The following DCAF5 variants were observed in gnomAD, a reference collection of about 807,000 sequenced individuals.
The protein encoded by DCAF5 is DDB1- and CUL4-associated factor 5.
DCAF5 carries 9 observed loss-of-function variants against 80.7 expected under a neutral mutation model. That is an observed-to-expected ratio of 0.11 (90% CI 0.07 to 0.19). The LOEUF (loss-of-function observed/expected upper bound fraction) is 0.19, where lower values mean the gene tolerates loss of function less well. DCAF5 is among the 10% of genes least tolerant of loss of function. The pLI, the probability that DCAF5 is intolerant of heterozygous loss-of-function variation, is 1.00. For missense variants in DCAF5, 842 were observed against 1,205.7 expected (o/e 0.70, Z 4.47); for synonymous variants, 433 against 461.9 (o/e 0.94, Z 0.80).
intron 4 of DCAF5, among the ~76,000 whole-genome samples, chr14:69,117,304 T>C (rs2040572516): frequency 6.6e-6 from 1 of 152,220 alleles, no homozygotes. Flanking sequence ...TACTTCGTGC[T>C]ACCTTACCTG....
intron 7 of DCAF5, 129 bp from the exon 8 acceptor site, chr14:69,062,640 A>T (rs1340497142): frequency 1.0e-6 from 1 of 961,104 alleles, no homozygotes; most frequent in Non-Finnish European, 1.5e-6. Context: ...CAGAATGCTT[A>T]ATCTTACAGA....
At chr14:69,124,003 G>C (rs1256191689) in intron 1 of DCAF5, among the ~76,000 whole-genome samples, 1 of 152,100 alleles carries the variant, frequency 6.6e-6, no homozygotes, top group African/African-American at 2.4e-5. Flanking sequence ...CGGCCAAGTA[G>C]TCACTATTCT....
chr14:69,054,496 C>T lies in DCAF5; in HGVS notation c.2190G>A (p.Lys730=). The change falls in exon 9 of 9, where the codon AAG becomes AAA. Residue 730 remains lysine (K), a synonymous_variant. Transcript: ENST00000341516. The part of the protein sequence containing the change: ...NQDLPPEGCS[K]DTFKEETPRT... ...TAGGAGTCTCTTCTTTAAAAGTGTC[C>T]TTGCTGCAGCCTTCAGGTGGCAGGT... The T allele has an allele frequency of 6.2e-7, 1 of 1,614,138 alleles. No homozygotes were observed. Among genetic ancestry groups the T allele is most frequent in the Non-Finnish European group, 8.5e-7 (1 of 1,180,012 alleles).
Position 69,056,164 on chromosome 14 carries a change from A to C in DCAF5, c.1075-553T>G, listed in dbSNP as rs57570724. ...AACATTCCTATTTTTAACTAATGGGAATTGCTCACTGGAGCTTGATAAGAA... is the reference window on the plus strand; with the variant it reads ...AACATTCCTATTTTTAACTAATGGGCATTGCTCACTGGAGCTTGATAAGAA... On this transcript the variant is annotated intron_variant, in intron 8 of 8. Coordinates refer to ENST00000341516, the MANE Select transcript of DCAF5 (RefSeq NM_003861.3). 6.1e-3 allele frequency among the ~76,000 whole-genome samples: 935 copies of C among 152,294 alleles called. 6 individuals are homozygous for C. Among genetic ancestry groups the C allele is most frequent in the African/African-American group, 0.019 (801 of 41,542 alleles).
chr14:69,097,593 T>A lies in DCAF5; in HGVS notation c.666-5706A>T, dbSNP rs1316802606. Among the ~76,000 whole-genome samples the A allele has an allele frequency of 6.5e-4, 96 of 148,066 alleles. 1 individual carries two copies. Among genetic ancestry groups the A allele is most frequent in the Middle Eastern group, 6.9e-3 (2 of 290 alleles). On this transcript the variant is annotated intron_variant, in intron 5 of 8. Transcript: ENST00000341516. Reference sequence around the variant, plus strand: ...TTATTATTATTATTATTTTTTTTTTTTTTTTTTTTTTGAGACAGGGTCTCA... The same window carrying A: ...TTATTATTATTATTATTTTTTTTTTATTTTTTTTTTTGAGACAGGGTCTCA...
Position 69,153,107 on chromosome 14 carries a change from C to A in DCAF5, c.-129G>T. The A allele has an allele frequency of 1.4e-6, 1 of 700,522 alleles. No individual in the cohort carries two copies. The highest frequency in any genetic ancestry group is 2.1e-6 in the Non-Finnish European group (1 of 469,080). The allele number at this position is 700,522 out of a possible 1,614,324, so 43.4% of individuals were successfully genotyped here. A position where few individuals can be genotyped will look rare whatever the true frequency, so the allele number is the denominator to read the frequency against. ...TGGTTCTTTAACCAGCCATGGCAGG[C>A]AGAGCGAGGTGTGCAGACACTCGGC... On this transcript the variant is annotated 5_prime_UTR_variant, in exon 1 of 9. Transcript: ENST00000341516.
At position 69,058,616 on chromosome 14, in the gene DCAF5, T is replaced by C. The variant is rs576876352; in HGVS notation, c.1075-3005A>G. ...AGAGCCAGGCGTGGTGGCTCACACC[T>C]GTAATCCCAGGACTTTGGGACGTCA... On this transcript the variant is annotated intron_variant, in intron 8 of 8. Transcript: ENST00000341516. 1.5e-4 allele frequency among the ~76,000 whole-genome samples: 23 copies of C among 152,104 alleles called. No homozygotes were observed. The South Asian group carries it at 4.8e-3, about 32-fold the overall frequency.
chr14:69,087,989 T>A (rs1406357909), intron 6 of DCAF5, among the ~76,000 whole-genome samples: 1 of 152,184 alleles, frequency 6.6e-6, no homozygotes, highest in African/African-American at 2.4e-5. Context: ...GAATTTGTTG[T>A]AATATTTTAA....
intron 8 of DCAF5, among the ~76,000 whole-genome samples, chr14:69,059,119 C>T (rs1040229928): frequency 6.6e-6 from 1 of 152,278 alleles, no homozygotes; most frequent in South Asian, 2.1e-4. Context: ...AAGGGTCTCA[C>T]TCTGTCACCC....
intron 1 of DCAF5, among the ~76,000 whole-genome samples, chr14:69,128,640 C>T (rs576555859): frequency 1.0e-3 from 153 of 152,170 alleles, no homozygotes; most frequent in Non-Finnish European, 1.8e-3. Context: ...GAATATTGTG[C>T]GCCTGTAGTC....
chr14:69,152,981 T>C lies in DCAF5; in HGVS notation c.-3A>G. The C allele has an allele frequency of 6.4e-7, 1 of 1,565,800 alleles. No homozygotes were observed. Among genetic ancestry groups the C allele is most frequent in the Non-Finnish European group, 8.6e-7 (1 of 1,160,410 alleles). On this transcript the variant is annotated 5_prime_UTR_variant, in exon 1 of 9. Coordinates refer to ENST00000341516, the MANE Select transcript of DCAF5 (RefSeq NM_003861.3). This position sits in a 1 kb window ranked among gnomAD's most constrained non-coding sequence, Gnocchi z 4.1. ...CCCAGGCCAGCTCTCCTCTTCATGCTGGAACCGCCGCCGCCGCCGCTCGCG... is the reference window on the plus strand; with the variant it reads ...CCCAGGCCAGCTCTCCTCTTCATGCCGGAACCGCCGCCGCCGCCGCTCGCG...
intron 1 of DCAF5, among the ~76,000 whole-genome samples, chr14:69,131,049 T>C (rs1419891720): frequency 1.3e-5 from 2 of 152,192 alleles, no homozygotes; most frequent in African/African-American, 2.4e-5. Context: ...TGTCCTTGTG[T>C]CCGTAAAGTA....
At chr14:69,079,381 A>G (rs1339700886) in intron 6 of DCAF5, among the ~76,000 whole-genome samples, 1 of 152,204 alleles carries the variant, frequency 6.6e-6, no homozygotes, top group Admixed American at 6.5e-5. Context: ...TCTTAGGGAT[A>G]AAGGCAACTC....
At chr14:69,085,338 C>A in intron 6 of DCAF5, 1 of 688,174 alleles carries the variant, frequency 1.5e-6, no homozygotes, top group Non-Finnish European at 2.7e-6. Flanking sequence ...AGTCCAAAAT[C>A]TTTAAACATA....
rs2037932328 is a variant in DCAF5 at position 69,055,499 on chromosome 14, C to G, written c.1187G>C (p.Ser396Thr). ...HEEYISLVLN[S>T]GSGLSHDYAN... ...GTAGTCATGCGACAGGCCACTCCCA[C>G]TGTTCAGCACAAGGCTGATGTACTC... The change falls in exon 9 of 9, where the codon AGT becomes ACT. Residue 396 changes from serine (S) to threonine (T), a missense_variant. Ser to Thr is a moderately conservative substitution (Grantham distance 58, BLOSUM62 1). This residue lies in a region of DCAF5 where 65 missense variants were observed against 191.3 expected (regional missense o/e 0.34). Transcript: ENST00000341516. This position sits in a 1 kb window ranked among gnomAD's most constrained non-coding sequence, Gnocchi z 5.6. The G allele has an allele frequency of 6.2e-7, 1 of 1,614,114 alleles. No individual in the cohort carries two copies. The highest frequency in any genetic ancestry group is 8.5e-7 in the Non-Finnish European group (1 of 1,180,056).
At position 69,084,178 on chromosome 14, in the gene DCAF5, T is replaced by G. The variant is rs574681169; in HGVS notation, c.879+7496A>C. 56 of 932,288 alleles carry G rather than the reference T, an allele frequency of 6.0e-5. No homozygotes were observed. The East Asian group carries it at 1.3e-3, about 22-fold the overall frequency. 57.8% of individuals were successfully genotyped at this position (932,288 alleles called of 1,614,324 possible). On this transcript the variant is annotated intron_variant, in intron 6 of 8. Transcript: ENST00000341516. Reference sequence around the variant, plus strand: ...CTACTAGAGAACTAGCCATGCAAACTTTTGGTGTTCTTAAGGAGCTAATGA... The same window carrying G: ...CTACTAGAGAACTAGCCATGCAAACGTTTGGTGTTCTTAAGGAGCTAATGA...
chr14:69,124,253 C>T (rs1479041417), intron 1 of DCAF5, among the ~76,000 whole-genome samples: 5 of 152,140 alleles, frequency 3.3e-5, no homozygotes, highest in Admixed American at 6.5e-5. Flanking sequence ...GTTATTTCCA[C>T]CTTTTGGCTA....
chr14:69,113,987 C>T (rs1047241816), intron 5 of DCAF5, among the ~76,000 whole-genome samples: 12 of 152,092 alleles, frequency 7.9e-5, no homozygotes, highest in Non-Finnish European at 7.4e-5. Flanking sequence ...CTCTGAAAAC[C>T]GTAGGTTATC....
At chr14:69,059,273 T>C (rs1002463195) in intron 8 of DCAF5, among the ~76,000 whole-genome samples, 2 of 152,014 alleles carry the variant, frequency 1.3e-5, no homozygotes, top group African/African-American at 4.8e-5. Flanking sequence ...TTCATAGAGA[T>C]GGGGTTTCCC....
Sources: allele counts gnomAD v4.1 joint callset (sites outside exome capture counted in the v4.1 genomes callset), GRCh38; gene constraint gnomAD v4.1.1; regional missense constraint gnomAD v4.1.1; non-coding constraint Gnocchi (gnomAD v3.1); transcripts MANE v1.5; gene names NCBI Gene and HGNC (gene_info 2026-07-23, HGNC 2026-07-21).